The following IHH variants were observed in gnomAD, a reference collection of about 807,000 sequenced individuals.
IHH encodes the protein indian hedgehog protein.
In IHH, 9 loss-of-function variants were observed where a neutral mutation model predicts 29.4. The observed-to-expected ratio is 0.31, with a 90% CI of 0.18 to 0.53. The LOEUF (loss-of-function observed/expected upper bound fraction) is 0.53, where lower values mean the gene tolerates loss of function less well. IHH is among the 20% of genes least tolerant of loss of function. IHH has a pLI of 0.95. For synonymous variants in IHH, 254 were observed against 252.7 expected, an observed-to-expected ratio of 1.01 and a Z score of -0.05; for missense variants, 454 against 578.1, an observed-to-expected ratio of 0.79 and a Z score of 2.20.
rs1431918896 is a variant in IHH at position 219,060,498 on chromosome 2, G to C, written c.-31C>G. 6.3e-6 allele frequency: 9 copies of C among 1,425,240 alleles called. No individual in the cohort carries two copies. Among genetic ancestry groups the C allele is most frequent in the Non-Finnish European group, 8.2e-6 (9 of 1,091,850 alleles). The allele number at this position is 1,425,240 out of a possible 1,614,324, so 88.3% of individuals were successfully genotyped here. ...GGGAGCCCGGGGGAGCGGCGGGCGAGGTCTCCTGGTGGGCTGATGGGCAGG... is the reference window on the plus strand; with the variant it reads ...GGGAGCCCGGGGGAGCGGCGGGCGACGTCTCCTGGTGGGCTGATGGGCAGG... On this transcript the variant is annotated 5_prime_UTR_variant, in exon 1 of 3. Transcript: ENST00000295731. The surrounding 1 kb of genome is among the most constrained non-coding windows in gnomAD (Gnocchi z 8.8).
rs1948821233 is a variant in IHH at position 219,055,431 on chromosome 2, G to C, written c.1012C>G (p.Leu338Val). 11 of 1,613,060 alleles carry C rather than the reference G, an allele frequency of 6.8e-6. No homozygotes were observed. The highest frequency in any genetic ancestry group is 9.3e-6 in the Non-Finnish European group (11 of 1,179,874). ...GATGCCACCACATCCTCCACCACCA[G>C]TGTCCCATGCTTTGTGAGCGGGGCG... ...AYAPLTKHGT[L>V]VVEDVVASCF... is the part of the protein sequence containing the mutation. Residue 338 changes from leucine to valine, a missense_variant, in exon 3 of 3, where the codon CTG (leucine) becomes GTG (valine). Leu to Val is a conservative substitution (Grantham distance 32, BLOSUM62 1). Transcript: ENST00000295731.
At chr2:219,055,889 G>A (rs774875995) in intron 2 of IHH, 24 bp from the exon 3 acceptor site, 47 of 1,595,244 alleles carry the variant, frequency 2.9e-5, no homozygotes, top group Non-Finnish European at 3.7e-5. Flanking sequence ...GGACATGAAG[G>A]TGTTACTGCT....
At chr2:219,057,738 C>A in intron 1 of IHH, 44 bp from the exon 2 acceptor site, 2 of 1,598,288 alleles carry the variant, frequency 1.3e-6, no homozygotes, top group Non-Finnish European at 1.7e-6. Flanking sequence ...CGAAATCAGC[C>A]GGAGGAGCCG....
At chr2:219,057,343 C>G in intron 2 of IHH, 90 bp downstream of exon 2, 1 of 1,392,820 alleles carries the variant, frequency 7.2e-7, no homozygotes, top group Non-Finnish European at 9.7e-7. Context: ...GCCTCCATCC[C>G]CGGGCGGGCT....
chr2:219,055,742 T>G lies in IHH; in HGVS notation c.701A>C (p.Glu234Ala). The change falls in exon 3 of 3, where the codon GAG (glutamate) becomes GCG (alanine). Residue 234 changes from glutamate (E) to alanine (A), a missense_variant. Physicochemically the swap from Glu to Ala is moderately radical, Grantham distance 107. Around this residue, in one of 3 missense-constraint regions of IHH, gnomAD observed 271 missense variants for 315.9 expected, o/e 0.86. Coordinates refer to ENST00000295731, the MANE Select transcript of IHH (RefSeq NM_002181.4). ...ATCGCTGAAGGTGGGGCTCCCATCC[T>G]CCCCCATGGCCAGCACACGGTCTCC... ...RPGDRVLAMG[E>A]DGSPTFSDVL... 6.2e-7 allele frequency: 1 copy of G among 1,613,602 alleles called. No individual in the cohort carries two copies. Among genetic ancestry groups the G allele is most frequent in the Non-Finnish European group, 8.5e-7 (1 of 1,179,930 alleles).
chr2:219,057,872 C>T (rs1215175425), intron 1 of IHH, among the ~76,000 whole-genome samples, 178 bp from the exon 2 acceptor site: 1 of 152,234 alleles, frequency 6.6e-6, no homozygotes, highest in African/African-American at 2.4e-5. Flanking sequence ...TGCTCCCTCC[C>T]TAGCATACAG....
chr2:219,060,058 G>T lies in IHH; in HGVS notation c.315+95C>A. 9.0e-7 allele frequency: 1 copy of T among 1,116,300 alleles called. No homozygotes were observed. The highest frequency in any genetic ancestry group is 1.3e-6 in the Non-Finnish European group (1 of 767,974). 69.1% of individuals were successfully genotyped at this position (1,116,300 alleles called of 1,614,324 possible). A position where few individuals can be genotyped will look rare whatever the true frequency, so the allele number is the denominator to read the frequency against. On this transcript the variant is annotated intron_variant, in intron 1 of 2. Transcript: ENST00000295731. The surrounding 1 kb of genome is among the most constrained non-coding windows in gnomAD (Gnocchi z 8.8). ...GAGAGGGGCAGGTGCCAGGGAGCGT[G>T]CCAGCCAGTCGAGAAAATGTGCCAG... is the stretch of plus-strand genomic sequence containing the variant.
chr2:219,059,722 C>A lies in IHH; in HGVS notation c.315+431G>T, dbSNP rs940206666. 6.6e-6 allele frequency among the ~76,000 whole-genome samples: 1 copy of A among 152,198 alleles called. No individual in the cohort carries two copies. The highest frequency in any genetic ancestry group is 1.5e-5 in the Non-Finnish European group (1 of 68,036). On this transcript the variant is annotated intron_variant, in intron 1 of 2. Coordinates refer to ENST00000295731, the MANE Select transcript of IHH (RefSeq NM_002181.4). This position sits in a 1 kb window ranked among gnomAD's most constrained non-coding sequence, Gnocchi z 4.7. Reference sequence around the variant, plus strand: ...GAAAGGCCGTGGTGACCCTACGCACCCAGAGATTCTTTGCCTCAGGGGTGC... The same window carrying A: ...GAAAGGCCGTGGTGACCCTACGCACACAGAGATTCTTTGCCTCAGGGGTGC...
At position 219,055,423 on chromosome 2, in the gene IHH, C is replaced by T. The variant is rs1412969434; in HGVS notation, c.1020G>A (p.Val340=). 6.2e-6 allele frequency: 10 copies of T among 1,613,150 alleles called. No homozygotes were observed. The highest frequency in any genetic ancestry group is 6.8e-6 in the Non-Finnish European group (8 of 1,179,956). ...APLTKHGTLV[V]EDVVASCFAA... is the part of the protein sequence containing the mutation. ...CGAAGCAGGATGCCACCACATCCTC[C>T]ACCACCAGTGTCCCATGCTTTGTGA... The change falls in exon 3 of 3, where the codon GTG becomes GTA. Residue 340 remains valine, a synonymous_variant. Transcript: ENST00000295731.
chr2:219,060,670 C>T lies in IHH; in HGVS notation c.-203G>A, dbSNP rs576813192. Among the ~76,000 whole-genome samples the T allele has an allele frequency of 1.3e-5, 2 of 151,036 alleles. No individual in the cohort carries two copies. Among genetic ancestry groups the T allele is most frequent in the South Asian group, 2.1e-4 (1 of 4,810 alleles). The stretch of plus-strand genomic sequence containing the variant: ...CCCAGGGCCCGAGCTGGTGGCGGCG[C>T]GCTGTCCCCCTCGGCGCCTCGACTC... On this transcript the variant is annotated 5_prime_UTR_variant, in exon 1 of 3. Coordinates refer to ENST00000295731, the MANE Select transcript of IHH (RefSeq NM_002181.4). This position sits in a 1 kb window ranked among gnomAD's most constrained non-coding sequence, Gnocchi z 8.8.
At position 219,059,067 on chromosome 2, in the gene IHH, G is replaced by T. The variant is rs928600684; in HGVS notation, c.315+1086C>A. Among the ~76,000 whole-genome samples the T allele has an allele frequency of 6.6e-6, 1 of 152,202 alleles. No homozygotes were observed. Among genetic ancestry groups the T allele is most frequent in the Non-Finnish European group, 1.5e-5 (1 of 68,038 alleles). ...CCGCCCCCTCTCGGGTCCAGAGCCC[G>T]GGCGTGCGCTGTCAATGATTGCCCA... On this transcript the variant is annotated intron_variant, in intron 1 of 2. Coordinates refer to ENST00000295731, the MANE Select transcript of IHH (RefSeq NM_002181.4). The surrounding 1 kb of genome is among the most constrained non-coding windows in gnomAD (Gnocchi z 4.7).
In IHH at chr2:219,055,191, C is replaced by T; in HGVS notation, c.*16G>A. ...ACCCAGTACAGCAGTTCCAGGAGGGCAGCGGTGGAGTCCTTTCAGCTCCCT... is the reference window on the plus strand; with the variant it reads ...ACCCAGTACAGCAGTTCCAGGAGGGTAGCGGTGGAGTCCTTTCAGCTCCCT... On this transcript the variant is annotated 3_prime_UTR_variant, in exon 3 of 3. Transcript: ENST00000295731. 6.4e-7 allele frequency: 1 copy of T among 1,554,982 alleles called. No individual in the cohort carries two copies. The highest frequency in any genetic ancestry group is 1.2e-5 in the South Asian group (1 of 84,476).
At position 219,059,614 on chromosome 2, in the gene IHH, TTCCTCGCTGTTCTTAACCCCAGA is replaced by T. The variant is rs1167392565; in HGVS notation, c.315+516_315+538del. Among the ~76,000 whole-genome samples, 2 of 152,118 alleles carry T rather than the reference TTCCTCGCTGTTCTTAACCCCAGA, an allele frequency of 1.3e-5. No individual in the cohort carries two copies. Among genetic ancestry groups the T allele is most frequent in the Non-Finnish European group, 2.9e-5 (2 of 68,020 alleles). On this transcript the variant is annotated intron_variant, in intron 1 of 2. Coordinates refer to ENST00000295731, the MANE Select transcript of IHH (RefSeq NM_002181.4). This position sits in a 1 kb window ranked among gnomAD's most constrained non-coding sequence, Gnocchi z 4.7. ...CCACCTCCGCCTCCCGATTCAACTC[TTCCTCGCTGTTCTTAACCCCAGA>T]CCCAGCCGGGACGCTGCTCCTGGAA...
In IHH at chr2:219,057,703, G is replaced by C; in HGVS notation, c.316-9C>G. ...AGGCGGTCCTTGCAGCGCTGGGAGAGGAATGTGCGCGAAATCAACCAGAGC... is the reference window on the plus strand; with the variant it reads ...AGGCGGTCCTTGCAGCGCTGGGAGACGAATGTGCGCGAAATCAACCAGAGC... On this transcript the variant is annotated splice_polypyrimidine_tract_variant and intron_variant, in intron 1 of 2. Coordinates refer to ENST00000295731, the MANE Select transcript of IHH (RefSeq NM_002181.4). 2 of 1,604,392 alleles carry C rather than the reference G, an allele frequency of 1.2e-6. No homozygotes were observed. The highest frequency in any genetic ancestry group is 1.7e-6 in the Non-Finnish European group (2 of 1,179,972).
At position 219,059,131 on chromosome 2, in the gene IHH, C is replaced by T. The variant is rs938692960; in HGVS notation, c.315+1022G>A. 6.6e-6 allele frequency among the ~76,000 whole-genome samples: 1 copy of T among 152,204 alleles called. No homozygotes were observed. The highest frequency in any genetic ancestry group is 2.4e-5 in the African/African-American group (1 of 41,450). ...ATCCTTATCTGCATTCCTCGGCGCC[C>T]GGCCCGGCCCGGCCACCAGCCAACC... On this transcript the variant is annotated intron_variant, in intron 1 of 2. Transcript: ENST00000295731. This position sits in a 1 kb window ranked among gnomAD's most constrained non-coding sequence, Gnocchi z 4.7.
Position 219,059,295 on chromosome 2 carries a change from G to C in IHH, c.315+858C>G, listed in dbSNP as rs1368093287. 1.3e-5 allele frequency among the ~76,000 whole-genome samples: 2 copies of C among 152,226 alleles called. No homozygotes were observed. Among genetic ancestry groups the C allele is most frequent in the African/African-American group, 4.8e-5 (2 of 41,456 alleles). On this transcript the variant is annotated intron_variant, in intron 1 of 2. Transcript: ENST00000295731. This position sits in a 1 kb window ranked among gnomAD's most constrained non-coding sequence, Gnocchi z 4.7. ...AGCCTCGGGAGACCCCGAAGGAAGG[G>C]GGTGAAGGTCTCTCCCCTCGCGGAC...
At position 219,055,854 on chromosome 2, in the gene IHH, C is replaced by T. The variant is rs746768477; in HGVS notation, c.589G>A (p.Ala197Thr). The T allele has an allele frequency of 6.8e-6, 11 of 1,607,452 alleles. No individual in the cohort carries two copies. Among genetic ancestry groups the T allele is most frequent in the South Asian group, 6.6e-5 (6 of 91,042 alleles). The change falls in exon 3 of 3, where the codon GCA becomes ACA. Residue 197 changes from alanine (A) to threonine (T), a missense_variant. Around this residue, in one of 3 missense-constraint regions of IHH, gnomAD observed 271 missense variants for 315.9 expected, o/e 0.86. Transcript: ENST00000295731. ...GGGAAGCAGCCGCCCGTCTTGGCTGCGGCCGAGTGCTCTGTGGGAGAAAGG... is the reference window on the plus strand; with the variant it reads ...GGGAAGCAGCCGCCCGTCTTGGCTGTGGCCGAGTGCTCTGTGGGAGAAAGG... The part of the protein sequence containing the change: ...HCSVKSEHSA[A>T]AKTGGCFPAG...
Position 219,060,355 on chromosome 2 carries a change from C to G in IHH, c.113G>C (p.Arg38Pro). Residue 38 changes from arginine (R) to proline (P), a missense_variant, in exon 1 of 3, where the codon CGG (arginine) becomes CCG (proline). Around this residue, in one of 3 missense-constraint regions of IHH, gnomAD observed 113 missense variants for 122.1 expected, o/e 0.93. Transcript: ENST00000295731. The surrounding 1 kb of genome is among the most constrained non-coding windows in gnomAD (Gnocchi z 8.8). ...CGGCACGAGTTTGCGTGGCGGTCGC[C>G]GGCGGCTGCCCACCACCCGACCCGG... ...CGPGRVVGSRRRPPRKLVPLA... is the reference protein window; with the variant it reads ...CGPGRVVGSRPRPPRKLVPLA... 1 of 1,606,782 alleles carries G rather than the reference C, an allele frequency of 6.2e-7. No individual in the cohort carries two copies. The highest frequency in any genetic ancestry group is 1.1e-5 in the South Asian group (1 of 91,054).
chr2:219,060,403 A>C lies in IHH; in HGVS notation c.65T>G (p.Val22Gly). Residue 22 changes from valine (V) to glycine (G), a missense_variant, in exon 1 of 3, where the codon GTG becomes GGG. By Grantham distance (109) the Val-to-Gly change is moderately radical. Around this residue, in one of 3 missense-constraint regions of IHH, gnomAD observed 113 missense variants for 122.1 expected, o/e 0.93. Coordinates refer to ENST00000295731, the MANE Select transcript of IHH (RefSeq NM_002181.4). This position sits in a 1 kb window ranked among gnomAD's most constrained non-coding sequence, Gnocchi z 8.8. ...CGGCCCGCAGCCCCATGCCGCCGGCACCACCAGCAGCAGCAACAGGACCAG... is the reference window on the plus strand; with the variant it reads ...CGGCCCGCAGCCCCATGCCGCCGGCCCCACCAGCAGCAGCAACAGGACCAG... ...FCLVLLLLLV[V>G]PAAWGCGPGR... is the part of the protein sequence containing the mutation. 1 of 1,599,040 alleles carries C rather than the reference A, an allele frequency of 6.3e-7. No individual in the cohort carries two copies. Among genetic ancestry groups the C allele is most frequent in the Non-Finnish European group, 8.5e-7 (1 of 1,176,708 alleles).
Sources: gnomAD v4.1 joint callset for allele counts (sites outside exome capture counted in the v4.1 genomes callset) on GRCh38, gnomAD v4.1.1 for gene constraint, gnomAD v4.1.1 regional missense constraint, Gnocchi (gnomAD v3.1) non-coding constraint, MANE v1.5 for transcripts, NCBI Gene and HGNC (gene_info 2026-07-23, HGNC 2026-07-21) for gene names.